SULF1: variants seen among roughly 807,000 people sequenced by gnomAD.
SULF1 encodes the protein sulfatase 1.
A neutral mutation model predicts 110.5 loss-of-function variants in SULF1; 46 were observed. The observed-to-expected ratio is 0.42, with a 90% confidence interval of 0.33 to 0.53. The LOEUF is 0.53. SULF1 is among the 20% of genes least tolerant of loss of function. SULF1 has a pLI of 0.12. For synonymous variants in SULF1, 371 were observed against 387.1 expected (o/e 0.96, Z 0.49); for missense variants, 941 against 1,094.2 (o/e 0.86, Z 1.98).
intron 3 of SULF1, among the ~76,000 whole-genome samples, chr8:69,539,611 A>G (rs973178311): frequency 2.6e-5 from 4 of 152,150 alleles, no homozygotes; most frequent in Admixed American, 2.0e-4. Context: ...CTAAGCCCCT[A>G]TGATGTACCA....
intron 3 of SULF1, among the ~76,000 whole-genome samples, chr8:69,504,332 T>C (rs549446235): frequency 6.6e-6 from 1 of 152,008 alleles, no homozygotes; most frequent in South Asian, 2.1e-4. Flanking sequence ...GGTCAGTGGA[T>C]CACCTGAGGT....
intron 1 of SULF1, among the ~76,000 whole-genome samples, chr8:69,472,961 T>C (rs1221368398): frequency 1.3e-5 from 2 of 152,134 alleles, no homozygotes; most frequent in Non-Finnish European, 2.9e-5. Context: ...CTCAGTCTCA[T>C]GAGTAGCTAG....
chr8:69,591,280 C>T (rs1223333354), intron 8 of SULF1, among the ~76,000 whole-genome samples: 2 of 151,974 alleles, frequency 1.3e-5, no homozygotes, highest in East Asian at 1.9e-4. Flanking sequence ...GCTGGCCAGG[C>T]GCGGTGGCTC....
At chr8:69,514,860 A>G (rs1811814741) in intron 3 of SULF1, among the ~76,000 whole-genome samples, 1 of 152,202 alleles carries the variant, frequency 6.6e-6, no homozygotes, top group East Asian at 1.9e-4. Flanking sequence ...CAAAGCTCCA[A>G]AATAATCTCC....
intron 19 of SULF1, among the ~76,000 whole-genome samples, chr8:69,634,488 G>T: frequency 6.6e-6 from 1 of 152,192 alleles, no homozygotes; most frequent in East Asian, 1.9e-4. Flanking sequence ...GTAAAAGTTG[G>T]CTGGGCACAG....
upstream of SULF1, among the ~76,000 whole-genome samples, chr8:69,488,603 T>G (rs575677740): frequency 6.6e-6 from 1 of 152,168 alleles, no homozygotes; most frequent in East Asian, 1.9e-4. Flanking sequence ...AAAATTCCAT[T>G]TAGTATTACT....
intron 1 of SULF1, among the ~76,000 whole-genome samples, chr8:69,494,331 T>C (rs1477048232): frequency 1.3e-5 from 2 of 152,104 alleles, no homozygotes; most frequent in Non-Finnish European, 2.9e-5. Context: ...GTATGTTATA[T>C]GATAGTACAA....
At chr8:69,564,746 C>T (rs1367350869) in intron 5 of SULF1, among the ~76,000 whole-genome samples, 1 of 152,228 alleles carries the variant, frequency 6.6e-6, no homozygotes, top group Non-Finnish European at 1.5e-5. Flanking sequence ...GTGATTCTAA[C>T]TTACCTTCTA....
At chr8:69,616,223 T>C (rs1217921889) in intron 13 of SULF1, among the ~76,000 whole-genome samples, 1 of 146,038 alleles carries the variant, frequency 6.8e-6, no homozygotes, top group African/African-American at 2.6e-5. Flanking sequence ...TATATATATA[T>C]ATATATATTT....
chr8:69,632,115 G>C (rs748653236), intron 19 of SULF1, among the ~76,000 whole-genome samples: 2 of 152,174 alleles, frequency 1.3e-5, no homozygotes, highest in Non-Finnish European at 2.9e-5. Flanking sequence ...ATTTAACAAA[G>C]CTTTGAGTGC....
chr8:69,654,685 C>T (rs1471743094), intron 22 of SULF1, among the ~76,000 whole-genome samples: 2 of 152,174 alleles, frequency 1.3e-5, no homozygotes, highest in Non-Finnish European at 2.9e-5. Flanking sequence ...TCTCCTGCCC[C>T]CTCTCCTCTT....
Position 69,658,543 on chromosome 8 carries a change from C to T in SULF1, c.*8C>T, listed in dbSNP as rs762667573. ...GATGGATGGGAAGGTTAATCAGCCC[C>T]GTCTCACTGCAGACATCAACTGGCA... On this transcript the variant is annotated 3_prime_UTR_variant, in exon 23 of 23. Transcript: ENST00000402687. 16 of 1,610,428 alleles carry T rather than the reference C, an allele frequency of 9.9e-6. No homozygotes were observed. The highest frequency in any genetic ancestry group is 2.2e-5 in the East Asian group (1 of 44,866).
At chr8:69,631,856 A>G (rs74481053) in intron 19 of SULF1, among the ~76,000 whole-genome samples, 2,556 of 152,322 alleles carry the variant, frequency 0.017, 76 homozygotes, top group African/African-American at 0.059. Flanking sequence ...GGGTCCGCCC[A>G]TTTGATACGC....
chr8:69,489,571 C>CTTTTTTTTTTTT (rs61391745), upstream of SULF1, among the ~76,000 whole-genome samples: 3 of 91,958 alleles, frequency 3.3e-5, no homozygotes, highest in African/African-American at 9.1e-5. Flanking sequence ...CTTTCTTTCT[C>CTTTTTTTTTTTT]TTTTTTTTTT....
At chr8:69,509,845 C>A (rs1373966696) in intron 3 of SULF1, among the ~76,000 whole-genome samples, 1 of 152,152 alleles carries the variant, frequency 6.6e-6, no homozygotes, top group African/African-American at 2.4e-5. Context: ...GCTGAAATGT[C>A]CCTCCTGGGT....
At chr8:69,522,499 GAAATATC>G in intron 3 of SULF1, among the ~76,000 whole-genome samples, 1 of 152,152 alleles carries the variant, frequency 6.6e-6, no homozygotes. Flanking sequence ...CCTTCCAGTG[GAAATATC>G]ATTAATTAGG....
At chr8:69,629,394 A>G (rs1260796209) in intron 18 of SULF1, 110 bp from the exon 19 acceptor site, 1 of 1,142,868 alleles carries the variant, frequency 8.7e-7, no homozygotes, top group African/African-American at 1.6e-5. Context: ...GTCGTCCATT[A>G]TCTCTTATCA....
At chr8:69,553,321 A>T (rs1006269282) in intron 3 of SULF1, among the ~76,000 whole-genome samples, 1 of 152,238 alleles carries the variant, frequency 6.6e-6, no homozygotes, top group Non-Finnish European at 1.5e-5. Flanking sequence ...GGAGGGCCAG[A>T]CGCATGTCAA....
chr8:69,569,735 T>C lies in SULF1; in HGVS notation c.172+5588T>C, dbSNP rs1805091051. On this transcript the variant is annotated intron_variant, in intron 5 of 22. Coordinates refer to ENST00000402687, the MANE Select transcript of SULF1 (RefSeq NM_001128205.2). ...TTCCATTCCTGTAAGTAGCTTTTAA[T>C]GGCCTTGTGCTCTTTTGGAGGGGCC... Among the ~76,000 whole-genome samples, 7 of 152,356 alleles carry C rather than the reference T, an allele frequency of 4.6e-5. No homozygotes were observed. In the East Asian group the frequency reaches 1.4e-3, roughly 29 times the overall value.
Sources: allele counts gnomAD v4.1 joint callset (sites outside exome capture counted in the v4.1 genomes callset), GRCh38; gene constraint gnomAD v4.1.1; transcripts MANE v1.5; gene names NCBI Gene and HGNC (gene_info 2026-07-23, HGNC 2026-07-21).